WHRN: variants seen among roughly 807,000 people sequenced by gnomAD.
WHRN encodes the protein whirlin, also known as CASK-interacting protein CIP98.
Under a neutral mutation model 68.3 loss-of-function variants are expected in WHRN, and 41 were observed. That is an observed-to-expected ratio of 0.60 (90% confidence interval 0.47 to 0.78). The LOEUF is 0.78. WHRN is among the 30% of genes least tolerant of loss of function. The probability of loss-of-function intolerance (pLI) is 0.00; values close to 1 mark genes in which losing one functional copy is unlikely to be tolerated. For missense variants in WHRN, 1,243 were observed against 1,244.7 expected (o/e 1.00, Z 0.02); for synonymous variants, 560 against 561.3 (o/e 1.00, Z 0.03).
At chr9:114,503,236 T>C in intron 1 of WHRN, 1 of 975,576 alleles carries the variant, frequency 1.0e-6, no homozygotes, top group Non-Finnish European at 1.2e-6. Flanking sequence ...AGTGGGGGTT[T>C]ACAGAACAGT....
intron 1 of WHRN, among the ~76,000 whole-genome samples, chr9:114,488,942 C>T (rs1478217808): frequency 6.6e-6 from 1 of 152,098 alleles, no homozygotes; most frequent in African/African-American, 2.4e-5. Flanking sequence ...CCAAACTCTC[C>T]CCATTGCTTC....
intron 1 of WHRN, 54 bp downstream of exon 1, chr9:114,504,130 C>T: frequency 1.2e-6 from 2 of 1,613,130 alleles, no homozygotes; most frequent in Non-Finnish European, 1.7e-6. Flanking sequence ...ACTGAAAAAG[C>T]TGTGCCACTC....
At position 114,403,320 on chromosome 9, in the gene WHRN, G is replaced by A. The variant is rs143728180; in HGVS notation, c.2438C>T (p.Thr813Met). The part of the protein sequence containing the change: ...ANKPPGLLEP[T>M]STLVRVKKSA... Reference sequence around the variant, plus strand: ...TTTCTTCACACGGACCAGAGTGGACGTGGGCTCCAGAAGTCCAGGCTGTGG... The same window carrying A: ...TTTCTTCACACGGACCAGAGTGGACATGGGCTCCAGAAGTCCAGGCTGTGG... Residue 813 changes from threonine to methionine, a missense_variant, in exon 11 of 12, where the codon ACG (threonine) becomes ATG (methionine). Transcript: ENST00000362057. The A allele has an allele frequency of 1.4e-4, 224 of 1,614,058 alleles. No individual in the cohort carries two copies. The African/African-American group carries it at 2.4e-3, about 17-fold the overall frequency.
At position 114,406,395 on chromosome 9, in the gene WHRN, C is replaced by G. The variant is rs1478432677; in HGVS notation, c.2196G>C (p.Glu732Asp). Reference sequence around the variant, plus strand: ...GCGCCCTCACTTCATTGACGTCTGGCTCGCTGTCGGGGCGGTGGACCTCCA... The same window carrying G: ...GCGCCCTCACTTCATTGACGTCTGGGTCGCTGTCGGGGCGGTGGACCTCCA... ...VMVEVHRPDS[E>D]PDVNEVRALP... The change falls in exon 9 of 12, where the codon GAG becomes GAC. Residue 732 changes from glutamate to aspartate, a missense_variant. Coordinates refer to ENST00000362057, the MANE Select transcript of WHRN (RefSeq NM_015404.4). The G allele has an allele frequency of 1.2e-6, 2 of 1,614,206 alleles. No individual in the cohort carries two copies. Among genetic ancestry groups the G allele is most frequent in the South Asian group, 1.1e-5 (1 of 91,090 alleles).
At chr9:114,445,686 A>G (rs1055680322) in intron 3 of WHRN, among the ~76,000 whole-genome samples, 4 of 152,142 alleles carry the variant, frequency 2.6e-5, no homozygotes, top group Non-Finnish European at 5.9e-5. Flanking sequence ...ATGCCGTGCC[A>G]CGCTGGAGAA....
chr9:114,469,207 G>A (rs982110636), intron 2 of WHRN, among the ~76,000 whole-genome samples: 1 of 152,242 alleles, frequency 6.6e-6, no homozygotes, highest in Non-Finnish European at 1.5e-5. Flanking sequence ...GGTGCGACCT[G>A]GAAAGCAGGT....
chr9:114,489,776 C>A (rs908686666), intron 1 of WHRN, among the ~76,000 whole-genome samples: 1 of 152,190 alleles, frequency 6.6e-6, no homozygotes, highest in Non-Finnish European at 1.5e-5. Flanking sequence ...GAATTAGATA[C>A]CTTTTCTATG....
chr9:114,425,062 A>G, intron 4 of WHRN, 38 bp from the exon 5 acceptor site: 1 of 1,612,088 alleles, frequency 6.2e-7, no homozygotes, highest in Non-Finnish European at 8.5e-7. Flanking sequence ...TGTGCATTTG[A>G]GCAGATCAAA....
intron 1 of WHRN, among the ~76,000 whole-genome samples, chr9:114,485,645 T>G (rs754405299): frequency 6.6e-6 from 1 of 151,962 alleles, no homozygotes; most frequent in East Asian, 1.9e-4. Context: ...TGAGCCAAGA[T>G]TGCACCACTG....
intron 1 of WHRN, among the ~76,000 whole-genome samples, chr9:114,494,577 G>A (rs1052242317): frequency 1.3e-5 from 2 of 152,184 alleles, no homozygotes; most frequent in East Asian, 1.9e-4. Context: ...GCTCAGGCTC[G>A]AGCACTGTGG....
chr9:114,408,227 T>C (rs1311034255), intron 7 of WHRN, among the ~76,000 whole-genome samples: 1 of 152,218 alleles, frequency 6.6e-6, no homozygotes, highest in African/African-American at 2.4e-5. Context: ...AAGTTTTCTT[T>C]GGGACTTTCT....
chr9:114,466,275 C>T lies in WHRN; in HGVS notation c.955G>A (p.Gly319Arg), dbSNP rs143165834. 3.9e-5 allele frequency: 63 copies of T among 1,613,918 alleles called. No individual in the cohort carries two copies. The highest frequency in any genetic ancestry group is 3.5e-4 in the South Asian group (32 of 91,090). ...CTCAGGCCCTCCCTCACCTTGAGCC[C>T]GCTGCCTTCTGCTTCAGAGCCTGGG... ...VDPGSEAEGS[G>R]LKVGDQILEV... Residue 319 changes from glycine to arginine, a missense_variant, in exon 3 of 12, where the codon GGG becomes AGG. Gly to Arg is a moderately radical substitution (Grantham distance 125, BLOSUM62 -2). Coordinates refer to ENST00000362057, the MANE Select transcript of WHRN (RefSeq NM_015404.4).
chr9:114,473,172 T>A (rs997407842), intron 2 of WHRN, among the ~76,000 whole-genome samples: 5 of 152,114 alleles, frequency 3.3e-5, no homozygotes, highest in African/African-American at 1.2e-4. Context: ...GACACTGTAG[T>A]GGAATAAGAC....
At position 114,499,419 on chromosome 9, in the gene WHRN, C is replaced by T. The variant is rs1843730550; in HGVS notation, c.618+4765G>A. ...TTTTGAAAGATTTGTATTTCAACCT[C>T]CAGATACCTCCAGCCATTTAATGTC... On this transcript the variant is annotated intron_variant, in intron 1 of 11. Coordinates refer to ENST00000362057, the MANE Select transcript of WHRN (RefSeq NM_015404.4). Among the ~76,000 whole-genome samples the T allele has an allele frequency of 2.0e-5, 3 of 152,198 alleles. No homozygotes were observed. The South Asian group carries it at 6.2e-4, about 32-fold the overall frequency.
Position 114,478,649 on chromosome 9 carries a change from G to T in WHRN, c.741C>A (p.Pro247=). The change falls in exon 2 of 12, where the codon CCC becomes CCA. Residue 247 remains proline, a synonymous_variant. Coordinates refer to ENST00000362057, the MANE Select transcript of WHRN (RefSeq NM_015404.4). ...VDPQGRSISP[P]SGLPQPHGGA... is the part of the protein sequence containing the mutation. ...CACCGTGGGGCTGGGGCAGGCCCGA[G>T]GGTGGGGAGATGCTGCGGCCCTGCG... is the stretch of plus-strand genomic sequence containing the variant. 1 of 1,613,746 alleles carries T rather than the reference G, an allele frequency of 6.2e-7. No individual in the cohort carries two copies.
At chr9:114,465,531 A>G (rs1840605349) in intron 3 of WHRN, among the ~76,000 whole-genome samples, 1 of 152,176 alleles carries the variant, frequency 6.6e-6, no homozygotes, top group South Asian at 2.1e-4. Flanking sequence ...CATCCCTGGC[A>G]TCAGGATTTA....
At chr9:114,439,020 GTATC>G (rs1464061812) in intron 3 of WHRN, among the ~76,000 whole-genome samples, 1 of 152,152 alleles carries the variant, frequency 6.6e-6, no homozygotes, top group African/African-American at 2.4e-5. Flanking sequence ...GTGCAAAAGA[GTATC>G]TATAGCATGC....
intron 1 of WHRN, 78 bp from the exon 2 acceptor site, chr9:114,478,849 C>G (rs1841878346): frequency 2.8e-6 from 4 of 1,435,030 alleles, no homozygotes; most frequent in Non-Finnish European, 2.9e-6. Flanking sequence ...TGGCCCAGAC[C>G]TTGGTTTTTC....
chr9:114,427,666 A>G (rs1313944926), intron 3 of WHRN, among the ~76,000 whole-genome samples: 1 of 152,158 alleles, frequency 6.6e-6, no homozygotes, highest in Non-Finnish European at 1.5e-5. Context: ...GAGAACCAAA[A>G]CCCTGCTCCC....
Sources: gnomAD v4.1 joint callset for allele counts (sites outside exome capture counted in the v4.1 genomes callset) on GRCh38, gnomAD v4.1.1 for gene constraint, MANE v1.5 for transcripts, NCBI Gene and HGNC (gene_info 2026-07-23, HGNC 2026-07-21) for gene names.